The following SH3PXD2B variants were observed in gnomAD, a reference collection of about 807,000 sequenced individuals.
SH3PXD2B encodes SH3 and PX domain-containing protein 2B.
A neutral mutation model predicts 73.1 loss-of-function variants in SH3PXD2B; 37 were observed. The observed-to-expected ratio is 0.51, with a 90% CI of 0.39 to 0.67. The LOEUF (loss-of-function observed/expected upper bound fraction) is 0.67. Among genes scored for constraint, SH3PXD2B ranks in the 30% least tolerant of loss-of-function variants. The probability of loss-of-function intolerance (pLI) is 0.00; values close to 1 mark genes in which losing one functional copy is unlikely to be tolerated. For missense variants in SH3PXD2B, 1,053 were observed against 1,197.8 expected, an observed-to-expected ratio of 0.88 and a Z score of 1.78; for synonymous variants, 457 against 480.5, an observed-to-expected ratio of 0.95 and a Z score of 0.64.
At chr5:172,452,849 T>TA (rs1759828506) in intron 1 of SH3PXD2B, among the ~76,000 whole-genome samples, 3 of 144,498 alleles carry the variant, frequency 2.1e-5, no homozygotes, top group African/African-American at 5.1e-5. Flanking sequence ...TAACAAAAAA[T>TA]AAAAAAAGGA....
chr5:172,368,853 GTATA>G (rs539925954), intron 6 of SH3PXD2B, among the ~76,000 whole-genome samples: 2 of 123,288 alleles, frequency 1.6e-5, no homozygotes, highest in Non-Finnish European at 3.3e-5. Flanking sequence ...ATAATATATA[GTATA>G]TATATATGTT....
chr5:172,416,696 CTTTTTTTTTTT>C (rs202242720), intron 2 of SH3PXD2B, among the ~76,000 whole-genome samples: 3,945 of 62,332 alleles, frequency 0.063, 69 homozygotes, highest in South Asian at 0.16. Flanking sequence ...CTCTCTCTCT[CTTTTTTTTTTT>C]TTTTTTTTTT....
intron 1 of SH3PXD2B, among the ~76,000 whole-genome samples, chr5:172,431,086 C>T (rs1052084267): frequency 6.6e-6 from 1 of 152,134 alleles, no homozygotes; most frequent in African/African-American, 2.4e-5. Context: ...AGGCTGGTCT[C>T]GAACTTCTGG....
At chr5:172,407,243 T>C (rs1034604873) in intron 2 of SH3PXD2B, among the ~76,000 whole-genome samples, 2 of 152,236 alleles carry the variant, frequency 1.3e-5, no homozygotes, top group African/African-American at 4.8e-5. Context: ...TCTGAGCACA[T>C]GGTAGATTTG....
chr5:172,340,036 C>A, intron 12 of SH3PXD2B, 120 bp from the exon 13 acceptor site: 1 of 1,541,746 alleles, frequency 6.5e-7, no homozygotes, highest in Middle Eastern at 1.7e-4. Flanking sequence ...CTCAGCAGCT[C>A]CTCTGACAAG....
rs1756679376 is a variant in SH3PXD2B at position 172,335,895 on chromosome 5, T to C, written c.*2474A>G. On this transcript the variant is annotated 3_prime_UTR_variant, in exon 13 of 13. Coordinates refer to ENST00000311601, the MANE Select transcript of SH3PXD2B (RefSeq NM_001017995.3). Reference sequence around the variant, plus strand: ...TGAACAGAGAGGACTGTGGCTTCAGTACCCGCGGGTCATGTCAGAATAATC... The same window carrying C: ...TGAACAGAGAGGACTGTGGCTTCAGCACCCGCGGGTCATGTCAGAATAATC... 1 of 1,212,640 alleles carries C rather than the reference T, an allele frequency of 8.2e-7. No homozygotes were observed. Among genetic ancestry groups the C allele is most frequent in the Non-Finnish European group, 1.0e-6 (1 of 976,432 alleles). 75.1% of individuals were successfully genotyped at this position (1,212,640 alleles called of 1,614,324 possible).
intron 4 of SH3PXD2B, among the ~76,000 whole-genome samples, chr5:172,385,560 C>T (rs561370461): frequency 1.3e-5 from 2 of 152,202 alleles, no homozygotes; most frequent in South Asian, 4.1e-4. Context: ...TAACACGAGG[C>T]AACAGCCCGG....
At chr5:172,365,974 C>T (rs886106825) in intron 6 of SH3PXD2B, among the ~76,000 whole-genome samples, 15 of 152,120 alleles carry the variant, frequency 9.9e-5, no homozygotes, top group Non-Finnish European at 1.9e-4. Flanking sequence ...TGAGCTGGAC[C>T]AGGTAAGTGT....
chr5:172,350,434 T>C lies in SH3PXD2B; in HGVS notation c.941A>G (p.Lys314Arg). The part of the protein sequence containing the change: ...SRQQNAVGRE[K>R]ELLSSQRDGR... ...GTCCCTCTGGCTGCTGAGCAGCTCC[T>C]TCTCCCTGCCCACCGCGTTCTGCTG... Residue 314 changes from lysine (K) to arginine (R), a missense_variant, in exon 10 of 13, where the codon AAG (lysine) becomes AGG (arginine). Lys to Arg is a conservative substitution (Grantham distance 26). Coordinates refer to ENST00000311601, the MANE Select transcript of SH3PXD2B (RefSeq NM_001017995.3). 6.2e-7 allele frequency: 1 copy of C among 1,614,120 alleles called. No homozygotes were observed. Among genetic ancestry groups the C allele is most frequent in the Non-Finnish European group, 8.5e-7 (1 of 1,180,040 alleles).
chr5:172,409,680 T>C (rs1353136851), intron 2 of SH3PXD2B, among the ~76,000 whole-genome samples: 3 of 152,200 alleles, frequency 2.0e-5, no homozygotes, highest in Admixed American at 6.5e-5. Flanking sequence ...TAGTATTCAA[T>C]TGTGTATGCA....
intron 12 of SH3PXD2B, among the ~76,000 whole-genome samples, chr5:172,325,736 G>A (rs1050443623): frequency 5.9e-5 from 9 of 152,168 alleles, no homozygotes; most frequent in Non-Finnish European, 1.2e-4. Context: ...TCCTGGCCTA[G>A]TCACTGCTTA....
At chr5:172,328,166 AC>A (rs1756481760) in intron 12 of SH3PXD2B, among the ~76,000 whole-genome samples, 1 of 143,176 alleles carries the variant, frequency 7.0e-6, no homozygotes, top group Admixed American at 7.1e-5. Context: ...TCACTCTGTC[AC>A]TCAGGCTGGA....
chr5:172,379,185 A>G lies in SH3PXD2B; in HGVS notation c.401+2851T>C, dbSNP rs907661705. Among the ~76,000 whole-genome samples, 4 of 151,840 alleles carry G rather than the reference A, an allele frequency of 2.6e-5. No homozygotes were observed. In the East Asian group the frequency reaches 5.8e-4, roughly 22 times the overall value. ...TGGAGGCTTTAGGGGTAATTAGGTC[A>G]TAAACGTGGAGCCCCCCGGATAGGA... On this transcript the variant is annotated intron_variant, in intron 5 of 12. Coordinates refer to ENST00000311601, the MANE Select transcript of SH3PXD2B (RefSeq NM_001017995.3).
chr5:172,346,896 C>T (rs770613055), intron 11 of SH3PXD2B, among the ~76,000 whole-genome samples: 13 of 152,060 alleles, frequency 8.5e-5, no homozygotes, highest in Non-Finnish European at 1.8e-4. Flanking sequence ...AAAAAGGTAC[C>T]TAGAGAATTT....
intron 1 of SH3PXD2B, among the ~76,000 whole-genome samples, chr5:172,448,099 C>T (rs1402419857): frequency 1.3e-5 from 2 of 152,224 alleles, no homozygotes; most frequent in African/African-American, 4.8e-5. Context: ...TCTTGTGACA[C>T]AGACACAGTA....
At chr5:172,434,782 G>GTTTT (rs71577589) in intron 1 of SH3PXD2B, among the ~76,000 whole-genome samples, 2 of 66,338 alleles carry the variant, frequency 3.0e-5, no homozygotes, top group Admixed American at 1.5e-4. Context: ...ATGGCCAATG[G>GTTTT]TTTTTTTTTT....
At chr5:172,327,127 T>C (rs928636918) in intron 12 of SH3PXD2B, among the ~76,000 whole-genome samples, 5 of 152,290 alleles carry the variant, frequency 3.3e-5, no homozygotes, top group African/African-American at 1.2e-4. Context: ...CCCAAAGTGT[T>C]GGGATTACAG....
intron 12 of SH3PXD2B, among the ~76,000 whole-genome samples, chr5:172,343,601 G>C (rs554137672): frequency 1.3e-5 from 2 of 152,202 alleles, no homozygotes; most frequent in Admixed American, 6.5e-5. Context: ...AGGAGTTCGA[G>C]ACTAGCCTGG....
downstream of SH3PXD2B, among the ~76,000 whole-genome samples, chr5:172,331,196 AAAAAAT>A (rs1204850808): frequency 1.3e-5 from 2 of 152,238 alleles, no homozygotes; most frequent in African/African-American, 4.8e-5. Flanking sequence ...CTCTTGTCCA[AAAAAAT>A]AAAAATAAAA....
Sources: gnomAD v4.1 joint callset for allele counts (sites outside exome capture counted in the v4.1 genomes callset) on GRCh38, gnomAD v4.1.1 for gene constraint, MANE v1.5 for transcripts, NCBI Gene and HGNC (gene_info 2026-07-23, HGNC 2026-07-21) for gene names.